Variants in OSMR observed in about 807,000 individuals in gnomAD.
The protein encoded by OSMR is oncostatin M receptor, also known as oncostatin-M-specific receptor subunit beta.
In OSMR, 81 loss-of-function variants were observed where a neutral mutation model predicts 99.9. The ratio of observed to expected loss-of-function variants is 0.81; its 90% CI spans 0.68 to 0.97. The LOEUF is 0.97. OSMR is among the 50% of genes least tolerant of loss of function. The pLI, the probability that OSMR is intolerant of heterozygous loss-of-function variation, is 0.00. For missense variants in OSMR, 1,099 were observed against 1,153.4 expected, an observed-to-expected ratio of 0.95 and a Z score of 0.68; for synonymous variants, 406 against 410.4, an observed-to-expected ratio of 0.99 and a Z score of 0.13.
Position 38,870,400 on chromosome 5 carries a change from C to T in OSMR, c.73+1283C>T, listed in dbSNP as rs376446217. On this transcript the variant is annotated intron_variant, in intron 2 of 17. Transcript: ENST00000274276. ...AGGCTGGAGTGCAGTGGCGCGATCT[C>T]GGCTCACTGCAACCTCTGCCTCCCA... Among the ~76,000 whole-genome samples the T allele has an allele frequency of 3.0e-3, 439 of 145,492 alleles. 3 individuals are homozygous for T. Among genetic ancestry groups the T allele is most frequent in the African/African-American group, 0.01 (411 of 39,354 alleles).
Position 38,935,623 on chromosome 5 carries a change from TTAAAA to T in OSMR, c.*2182_*2186del, listed in dbSNP as rs1372314247. On this transcript the variant is annotated 3_prime_UTR_variant, in exon 18 of 18. Transcript: ENST00000274276. ...TTTTTGCTATTGAAATAAACCTTAA[TTAAAA>T]TATTTCATCATCACATTGTGTTTTA... is the stretch of plus-strand genomic sequence containing the variant. 3.3e-5 allele frequency: 5 copies of T among 152,186 alleles called. No individual in the cohort carries two copies. The highest frequency in any genetic ancestry group is 2.0e-4 in the Admixed American group (3 of 15,280). 9.4% of individuals were successfully genotyped at this position (152,186 alleles called of 1,614,324 possible).
At chr5:38,906,852 C>T (rs910260122) in intron 9 of OSMR, among the ~76,000 whole-genome samples, 5 of 152,148 alleles carry the variant, frequency 3.3e-5, no homozygotes, top group Non-Finnish European at 7.4e-5. Context: ...TCAAAAATTA[C>T]TTGTCCTCTC....
rs373437989 is a variant in OSMR, at chr5:38,884,091, G to T, written c.683G>T (p.Gly228Val). 1 of 1,613,716 alleles carries T rather than the reference G, an allele frequency of 6.2e-7. No homozygotes were observed. Among genetic ancestry groups the T allele is most frequent in the Non-Finnish European group, 8.5e-7 (1 of 1,179,622 alleles). The change falls in exon 5 of 18, where the codon GGC (glycine) becomes GTC (valine). Residue 228 changes from glycine (G) to valine (V), a missense_variant. Transcript: ENST00000274276. ...SQGNVSEGMK[G>V]IVLFVSKVLE... ...GGAAATGTCAGTGAAGGCATGAAAGGCATCGTTCTTTTTGTCTCAAGTAAG... is the reference window on the plus strand; with the variant it reads ...GGAAATGTCAGTGAAGGCATGAAAGTCATCGTTCTTTTTGTCTCAAGTAAG...
chr5:38,900,592 G>T (rs1744829031), intron 7 of OSMR, among the ~76,000 whole-genome samples: 1 of 152,158 alleles, frequency 6.6e-6, no homozygotes. Context: ...ATTGCAATGG[G>T]AATACATGTA....
chr5:38,927,911 T>C (rs1288914290), intron 15 of OSMR, among the ~76,000 whole-genome samples: 1 of 152,208 alleles, frequency 6.6e-6, no homozygotes, highest in African/African-American at 2.4e-5. Context: ...TTCTGCCAGA[T>C]ACCCTAAATC....
At chr5:38,937,040 A>G (rs909639088), downstream of OSMR, among the ~76,000 whole-genome samples, 2 of 152,190 alleles carry the variant, frequency 1.3e-5, no homozygotes, top group Admixed American at 6.5e-5. The surrounding 1 kb of genome is among the most constrained non-coding windows in gnomAD (Gnocchi z 4.0). Context: ...TTCGGGGCCA[A>G]CTACCTTTTT....
At position 38,876,330 on chromosome 5, in the gene OSMR, A is replaced by G; in HGVS notation, c.203A>G (p.Gln68Arg). ...CATCAGGAATTGAAAATGGTATTTC[A>G]GATCCAGATCAGTAGGATTGAAACA... ...PYHQELKMVF[Q>R]IQISRIETSN... The change falls in exon 3 of 18, where the codon CAG becomes CGG. Residue 68 changes from glutamine to arginine, a missense_variant. Coordinates refer to ENST00000274276, the MANE Select transcript of OSMR (RefSeq NM_003999.3). 6.2e-7 allele frequency: 1 copy of G among 1,613,616 alleles called. No homozygotes were observed. Among genetic ancestry groups the G allele is most frequent in the Admixed American group, 1.7e-5 (1 of 60,024 alleles).
chr5:38,864,504 A>G (rs1239131042), intron 1 of OSMR, among the ~76,000 whole-genome samples: 2 of 150,622 alleles, frequency 1.3e-5, no homozygotes, highest in Non-Finnish European at 3.0e-5. Context: ...TCATTTTTGA[A>G]GGATGGCTTT....
At chr5:38,909,344 A>G (rs980765489) in intron 9 of OSMR, among the ~76,000 whole-genome samples, 2 of 152,254 alleles carry the variant, frequency 1.3e-5, no homozygotes, top group Admixed American at 6.5e-5. Context: ...AGAGGACAAC[A>G]TTCAAATTCA....
At chr5:38,877,867 G>A (rs1479330912) in intron 3 of OSMR, among the ~76,000 whole-genome samples, 1 of 152,092 alleles carries the variant, frequency 6.6e-6, no homozygotes, top group Non-Finnish European at 1.5e-5. Context: ...AAAAGCAGTT[G>A]TTCATATCTG....
chr5:38,859,221 T>G (rs920426323), intron 1 of OSMR, among the ~76,000 whole-genome samples: 11 of 152,176 alleles, frequency 7.2e-5, no homozygotes, highest in African/African-American at 2.7e-4. Context: ...TTTCTAGTAT[T>G]TTTATAGTTT....
At position 38,885,996 on chromosome 5, in the gene OSMR, A is replaced by G. The variant is rs144865897; in HGVS notation, c.840-43A>G. 1.7e-4 allele frequency: 277 copies of G among 1,608,450 alleles called. 2 individuals are homozygous for G. The African/African-American group carries it at 2.5e-3, about 15-fold the overall frequency. ...GGGATACATTTGCTTTGACAAAAGT[A>G]AAAACCTCGTAATGGTTGTGTTATT... On this transcript the variant is annotated intron_variant, in intron 6 of 17. Transcript: ENST00000274276.
intron 5 of OSMR, among the ~76,000 whole-genome samples, chr5:38,884,348 A>G (rs1205177450): frequency 2.0e-5 from 3 of 152,186 alleles, no homozygotes; most frequent in African/African-American, 7.2e-5. Context: ...ATTAAAGAAG[A>G]CACAGTTCAG....
intron 1 of OSMR, chr5:38,942,400 ATCAATTAC>A (rs779416428): frequency 6.7e-7 from 1 of 1,499,800 alleles, no homozygotes; most frequent in East Asian, 2.3e-5. Flanking sequence ...ATGGTGTATC[ATCAATTAC>A]TTTTATAAAA....
At chr5:38,918,271 G>A (rs530648193) in intron 10 of OSMR, among the ~76,000 whole-genome samples, 18 of 152,234 alleles carry the variant, frequency 1.2e-4, no homozygotes, top group African/African-American at 4.3e-4. Context: ...CCACTCTCAG[G>A]GCTGGTGGTA....
chr5:38,891,716 T>C (rs1744170488), intron 7 of OSMR, among the ~76,000 whole-genome samples: 1 of 152,192 alleles, frequency 6.6e-6, no homozygotes, highest in East Asian at 1.9e-4. Context: ...CAAGACCACA[T>C]GGAGCTCCAC....
downstream of OSMR, among the ~76,000 whole-genome samples, chr5:38,936,034 A>G (rs933499811): frequency 1.3e-5 from 2 of 152,242 alleles, no homozygotes; most frequent in African/African-American, 4.8e-5. Flanking sequence ...ACTATATGCC[A>G]TCTTAACATG....
intron 7 of OSMR, among the ~76,000 whole-genome samples, chr5:38,896,879 A>G (rs761403500): frequency 6.6e-6 from 1 of 152,098 alleles, no homozygotes; most frequent in Non-Finnish European, 1.5e-5. Context: ...AATTTCATCA[A>G]ATGCTTTTTT....
chr5:38,862,092 T>A (rs1259801871), intron 1 of OSMR, among the ~76,000 whole-genome samples: 7 of 10,322 alleles, frequency 6.8e-4, no homozygotes, highest in South Asian at 0.016. Context: ...GCTGGCCGGG[T>A]GGGGGGCTGA....
Sources: gnomAD v4.1 joint callset for allele counts (sites outside exome capture counted in the v4.1 genomes callset) on GRCh38, gnomAD v4.1.1 for gene constraint, Gnocchi (gnomAD v3.1) non-coding constraint, MANE v1.5 for transcripts, NCBI Gene and HGNC (gene_info 2026-07-23, HGNC 2026-07-21) for gene names.